KCNA2: variants seen among roughly 807,000 people sequenced by gnomAD.
The protein encoded by KCNA2 is potassium channel, voltage gated shaker related subfamily A, member 2.
In KCNA2, 11 loss-of-function variants were observed where a neutral mutation model predicts 33.4. That is an observed-to-expected ratio of 0.33 (90% CI 0.21 to 0.55). The LOEUF (loss-of-function observed/expected upper bound fraction) is 0.55. Ranked by LOEUF, KCNA2 falls within the 20% of genes least tolerant of loss-of-function variation. The pLI is 0.93. For synonymous variants in KCNA2, 222 were observed against 231.3 expected (o/e 0.96, Z 0.37); for missense variants, 291 against 621.6 (o/e 0.47, Z 5.66).
chr1:110,611,305 C>T (rs1179736979), upstream of KCNA2, among the ~76,000 whole-genome samples: 1 of 152,202 alleles, frequency 6.6e-6, no homozygotes, highest in Non-Finnish European at 1.5e-5. Flanking sequence ...CAAGGTCAGC[C>T]TCCTGCAGGA....
intron 1 of KCNA2, among the ~76,000 whole-genome samples, chr1:110,612,843 C>A: frequency 6.6e-6 from 1 of 152,332 alleles, no homozygotes; most frequent in Non-Finnish European, 1.5e-5. Context: ...TAAACTGCCT[C>A]GAAAGCTCTA....
At chr1:110,612,539 C>G (rs1475939489) in intron 1 of KCNA2, among the ~76,000 whole-genome samples, 2 of 152,150 alleles carry the variant, frequency 1.3e-5, no homozygotes, top group Non-Finnish European at 2.9e-5. Context: ...CTCTGATTCC[C>G]TCTCCCTCCC....
At chr1:110,607,170 G>A (rs1391079408), upstream of KCNA2, 1 of 152,204 alleles carries the variant, frequency 6.6e-6, no homozygotes, top group South Asian at 2.1e-4. Context: ...CTGCGCCGCC[G>A]GGTGCCCCGC....
At position 110,594,390 on chromosome 1, in the gene KCNA2, C is replaced by CA. The variant is rs1649006659; in HGVS notation, c.*8892dup. 3.0e-6 allele frequency: 3 copies of CA among 984,532 alleles called. No homozygotes were observed. Among genetic ancestry groups the CA allele is most frequent in the Non-Finnish European group, 2.4e-6 (2 of 829,850 alleles). The allele number at this position is 984,532 out of a possible 1,614,324, so 61.0% of individuals were successfully genotyped here. On this transcript the variant is annotated 3_prime_UTR_variant, in exon 3 of 3. Transcript: ENST00000316361. ...AGTCTCCAGAGGCAGCCTATATAAGCACATAAGCACACAGGTCTGGAAAAG... is the reference window on the plus strand; with the variant it reads ...AGTCTCCAGAGGCAGCCTATATAAGCAACATAAGCACACAGGTCTGGAAAAG...
chr1:110,607,528 C>T (rs1649712618), upstream of KCNA2: 1 of 152,314 alleles, frequency 6.6e-6, no homozygotes, highest in African/African-American at 2.4e-5. Flanking sequence ...GAGCTCGTCA[C>T]CTCGTTGGGC....
At chr1:110,608,001 T>G (rs1414415262), upstream of KCNA2, 2 of 151,900 alleles carry the variant, frequency 1.3e-5, no homozygotes, top group Non-Finnish European at 2.9e-5. Context: ...ACTGCAGGGC[T>G]GGCCCTCTCC....
intron 1 of KCNA2, among the ~76,000 whole-genome samples, chr1:110,620,697 C>T (rs1650232975): frequency 6.6e-6 from 1 of 152,112 alleles, no homozygotes; most frequent in Admixed American, 6.5e-5. Context: ...TGGGTAAAGT[C>T]GGTCATCTAG....
intron 1 of KCNA2, among the ~76,000 whole-genome samples, chr1:110,623,750 A>C (rs1199836935): frequency 2.6e-5 from 4 of 152,164 alleles, no homozygotes; most frequent in Admixed American, 2.6e-4. Context: ...ATATATGAAG[A>C]ATTTCTATAA....
rs1404321189 is a variant in KCNA2, at chr1:110,603,975, G to A, written c.808C>T (p.Leu270=). The A allele has an allele frequency of 2.5e-6, 4 of 1,614,190 alleles. No individual in the cohort carries two copies. The highest frequency in any genetic ancestry group is 3.4e-6 in the Non-Finnish European group (4 of 1,180,028). ...IVAIIPYFIT[L]GTELAEKPED... ...GGCTTCTCAGCCAACTCTGTCCCCA[G>A]GGTGATGAAGTAGGGGATGATGGCC... The change falls in exon 3 of 3, where the codon CTG becomes TTG. Residue 270 remains leucine, a synonymous_variant. Transcript: ENST00000316361. This position sits in a 1 kb window ranked among gnomAD's most constrained non-coding sequence, Gnocchi z 5.7.
intron 1 of KCNA2, among the ~76,000 whole-genome samples, chr1:110,629,467 G>A (rs1181852316): frequency 6.6e-6 from 1 of 152,252 alleles, no homozygotes; most frequent in Non-Finnish European, 1.5e-5. Context: ...GATCTGGTGT[G>A]ATAGCTGGAA....
rs1276665751 is a variant in KCNA2, at chr1:110,605,519, T to G, written c.-292A>C. 2 of 152,490 alleles carry G rather than the reference T, an allele frequency of 1.3e-5. No individual in the cohort carries two copies. Among genetic ancestry groups the G allele is most frequent in the Admixed American group, 1.3e-4 (2 of 15,284 alleles). 9.4% of individuals were successfully genotyped at this position (152,490 alleles called of 1,614,324 possible). On this transcript the variant is annotated 5_prime_UTR_variant, in exon 2 of 3. The change abolishes an upstream ATG in the 5' untranslated region. Coordinates refer to ENST00000316361, the MANE Select transcript of KCNA2 (RefSeq NM_004974.4). The stretch of plus-strand genomic sequence containing the variant: ...TCGAGCTAGAAATAATGGTGAGTCA[T>G]TCTGGGCAGAAGGGCAGACTCTGGG...
intron 1 of KCNA2, among the ~76,000 whole-genome samples, chr1:110,622,501 G>A (rs1400065454): frequency 2.6e-5 from 4 of 151,952 alleles, no homozygotes; most frequent in Non-Finnish European, 5.9e-5. Context: ...GCACAATAAG[G>A]TAAGGAAAAG....
chr1:110,630,189 T>A (rs1439336892), intron 1 of KCNA2, among the ~76,000 whole-genome samples: 1 of 151,878 alleles, frequency 6.6e-6, no homozygotes, highest in African/African-American at 2.4e-5. Flanking sequence ...CTAATTTTTG[T>A]AATTTTTTTT....
At chr1:110,610,281 G>A (rs535608734), upstream of KCNA2, among the ~76,000 whole-genome samples, 22 of 152,334 alleles carry the variant, frequency 1.4e-4, no homozygotes, top group African/African-American at 5.1e-4. Context: ...CCCACACAGA[G>A]GGACTGGAGG....
At chr1:110,617,309 T>C (rs1000972955) in intron 1 of KCNA2, among the ~76,000 whole-genome samples, 6 of 152,198 alleles carry the variant, frequency 3.9e-5, no homozygotes, top group African/African-American at 1.4e-4. Flanking sequence ...GCCTCACCTG[T>C]GCCAGGGACT....
chr1:110,629,883 A>G (rs1650501254), intron 1 of KCNA2, among the ~76,000 whole-genome samples: 1 of 152,244 alleles, frequency 6.6e-6, no homozygotes, highest in African/African-American at 2.4e-5. Flanking sequence ...AGAATAAAAG[A>G]AAGAAAAGGG....
rs1648974876 is a variant in KCNA2 at position 110,593,953 on chromosome 1, T to C, written c.*9330A>G. 1.9e-6 allele frequency: 3 copies of C among 1,549,420 alleles called. No individual in the cohort carries two copies. The highest frequency in any genetic ancestry group is 1.2e-5 in the South Asian group (1 of 83,860). On this transcript the variant is annotated 3_prime_UTR_variant, in exon 3 of 3. Coordinates refer to ENST00000316361, the MANE Select transcript of KCNA2 (RefSeq NM_004974.4). ...TCTAAATTTTCAAGAAGCAAACAAA[T>C]AGTTAAATGACTCCCAACTCCCATG...
chr1:110,599,115 AG>A lies in KCNA2; in HGVS notation c.*4167del. ...ACTGGGAGCTGCGACCATCACTGGA[AG>A]GGAGAGTGAGACACAACGGGATGGC... On this transcript the variant is annotated 3_prime_UTR_variant, in exon 3 of 3. Coordinates refer to ENST00000316361, the MANE Select transcript of KCNA2 (RefSeq NM_004974.4). The A allele has an allele frequency of 1.0e-6, 1 of 985,428 alleles. No individual in the cohort carries two copies. Among genetic ancestry groups the A allele is most frequent in the Non-Finnish European group, 1.2e-6 (1 of 829,936 alleles). 61.0% of individuals were successfully genotyped at this position (985,428 alleles called of 1,614,324 possible). A position where few individuals can be genotyped will look rare whatever the true frequency, so the allele number is the denominator to read the frequency against.
At chr1:110,610,760 G>A (rs966807079), upstream of KCNA2, among the ~76,000 whole-genome samples, 1 of 152,138 alleles carries the variant, frequency 6.6e-6, no homozygotes, top group Non-Finnish European at 1.5e-5. Context: ...TGACCTCACA[G>A]GCAATCTGGT....
Sources: gnomAD v4.1 joint callset for allele counts (sites outside exome capture counted in the v4.1 genomes callset) on GRCh38, gnomAD v4.1.1 for gene constraint, Gnocchi (gnomAD v3.1) non-coding constraint, MANE v1.5 for transcripts, NCBI Gene and HGNC (gene_info 2026-07-23, HGNC 2026-07-21) for gene names.